Variants in PRKG2 observed in about 807,000 individuals in gnomAD.
PRKG2 encodes cGMP-dependent protein kinase 2.
Under a neutral mutation model 97.2 loss-of-function variants are expected in PRKG2, and 33 were observed. That is an observed-to-expected ratio of 0.34 (90% CI 0.26 to 0.45). PRKG2 has a LOEUF of 0.45. Among genes scored for constraint, PRKG2 ranks in the 20% least tolerant of loss-of-function variants. The probability of loss-of-function intolerance (pLI) is 1.00; values close to 1 mark genes in which losing one functional copy is unlikely to be tolerated. For missense variants in PRKG2, 638 were observed against 900.0 expected, an observed-to-expected ratio of 0.71 and a Z score of 3.73; for synonymous variants, 330 against 321.8, an observed-to-expected ratio of 1.03 and a Z score of -0.27.
intron 17 of PRKG2, among the ~76,000 whole-genome samples, chr4:81,094,872 C>T (rs1048545778): frequency 2.6e-5 from 4 of 152,102 alleles, no homozygotes; most frequent in African/African-American, 2.4e-5. Flanking sequence ...AAGATTTCTA[C>T]GTGTAGTGAA....
At position 81,188,180 on chromosome 4, in the gene PRKG2, A is replaced by C. The variant is rs547520557; in HGVS notation, c.462-13221T>G. 2.9e-3 allele frequency among the ~76,000 whole-genome samples: 440 copies of C among 152,078 alleles called. 1 individual carries two copies. Among genetic ancestry groups the C allele is most frequent in the Non-Finnish European group, 4.6e-3 (316 of 68,042 alleles). On this transcript the variant is annotated intron_variant, in intron 2 of 18. Transcript: ENST00000264399. ...TGAACTCAAACAAATTTACAAGAAA[A>C]AAACAAACAACCCCATCAAACAGTG...
chr4:81,139,975 A>C (rs1318597760), intron 12 of PRKG2, among the ~76,000 whole-genome samples: 1 of 152,210 alleles, frequency 6.6e-6, no homozygotes, highest in African/African-American at 2.4e-5. Context: ...CATACAAAAA[A>C]AATGAGATTC....
intron 2 of PRKG2, among the ~76,000 whole-genome samples, chr4:81,189,203 G>A (rs911953799): frequency 1.6e-5 from 2 of 123,438 alleles, no homozygotes; most frequent in Admixed American, 1.5e-4. Flanking sequence ...CTGTCTTATT[G>A]TTTTGCCATC....
At chr4:81,125,046 C>G (rs1294183475) in intron 14 of PRKG2, among the ~76,000 whole-genome samples, 1 of 151,994 alleles carries the variant, frequency 6.6e-6, no homozygotes, top group Non-Finnish European at 1.5e-5. Flanking sequence ...TTCTTATGTT[C>G]CATGTTTTTA....
At chr4:81,115,014 A>C (rs1294873699) in intron 14 of PRKG2, among the ~76,000 whole-genome samples, 3 of 152,174 alleles carry the variant, frequency 2.0e-5, no homozygotes, top group African/African-American at 7.2e-5. Context: ...TTGGATTAAC[A>C]TAGCATGAAT....
chr4:81,208,437 T>C (rs1283563418), intron 1 of PRKG2, among the ~76,000 whole-genome samples: 5 of 152,158 alleles, frequency 3.3e-5, no homozygotes, highest in Admixed American at 3.3e-4. Context: ...TTTTTGTTTG[T>C]TTGTTTGTGA....
intron 14 of PRKG2, among the ~76,000 whole-genome samples, chr4:81,122,814 C>G (rs1427444006): frequency 6.6e-6 from 1 of 152,206 alleles, no homozygotes; most frequent in Non-Finnish European, 1.5e-5. Flanking sequence ...CAAAACTGGA[C>G]TGCCCACAGT....
intron 6 of PRKG2, among the ~76,000 whole-genome samples, chr4:81,157,864 T>C (rs1183933272): frequency 1.1e-4 from 16 of 146,640 alleles, no homozygotes; most frequent in African/African-American, 4.1e-4. Flanking sequence ...AAAAGGCCTT[T>C]GACAAAATTC....
intron 14 of PRKG2, among the ~76,000 whole-genome samples, chr4:81,128,203 C>G (rs6831718): frequency 0.27 from 40,361 of 152,076 alleles, 7,538 homozygotes; most frequent in African/African-American, 0.51. Flanking sequence ...GGTGGATAAA[C>G]TTTTTTATGT....
chr4:81,200,904 A>G (rs1235607513), intron 2 of PRKG2, among the ~76,000 whole-genome samples: 1 of 152,218 alleles, frequency 6.6e-6, no homozygotes, highest in East Asian at 1.9e-4. Context: ...CATGGTTTTG[A>G]TGATCTAAAA....
intron 2 of PRKG2, among the ~76,000 whole-genome samples, chr4:81,203,978 C>T (rs1753483516): frequency 1.3e-5 from 2 of 152,134 alleles, no homozygotes; most frequent in African/African-American, 4.8e-5. Context: ...ATAGTATTGG[C>T]TTTTATCATA....
At chr4:81,200,197 C>G (rs1753215855) in intron 2 of PRKG2, among the ~76,000 whole-genome samples, 1 of 152,174 alleles carries the variant, frequency 6.6e-6, no homozygotes, top group Non-Finnish European at 1.5e-5. Context: ...CAAGGCAGAC[C>G]AGACATGGGC....
At chr4:81,184,366 G>A (rs541358266) in intron 2 of PRKG2, among the ~76,000 whole-genome samples, 5 of 152,122 alleles carry the variant, frequency 3.3e-5, no homozygotes, top group African/African-American at 4.8e-5. Flanking sequence ...ATCTGGAGTG[G>A]ACTTCCAGCA....
chr4:81,095,383 T>A (rs1254905268), intron 17 of PRKG2, among the ~76,000 whole-genome samples: 1 of 152,174 alleles, frequency 6.6e-6, no homozygotes, highest in Admixed American at 6.6e-5. Flanking sequence ...GAGCCTCCAC[T>A]TTTAGGGATT....
At chr4:81,147,226 T>C (rs1747943314) in intron 9 of PRKG2, among the ~76,000 whole-genome samples, 1 of 151,890 alleles carries the variant, frequency 6.6e-6, no homozygotes, top group South Asian at 2.1e-4. Flanking sequence ...GTGATTACAA[T>C]GAAGAAAAAA....
chr4:81,152,520 A>T (rs1362303126), intron 7 of PRKG2, among the ~76,000 whole-genome samples: 3 of 152,202 alleles, frequency 2.0e-5, no homozygotes, highest in Non-Finnish European at 4.4e-5. Flanking sequence ...ACTGAATGCA[A>T]AATGTTGATT....
At chr4:81,189,458 G>GT (rs1752269025) in intron 2 of PRKG2, among the ~76,000 whole-genome samples, 1 of 141,120 alleles carries the variant, frequency 7.1e-6, no homozygotes, top group Non-Finnish European at 1.5e-5. Context: ...CATGTCCTTT[G>GT]TAGGGACATG....
At chr4:81,212,979 AG>A (rs1754082530) in intron 1 of PRKG2, among the ~76,000 whole-genome samples, 1 of 152,186 alleles carries the variant, frequency 6.6e-6, no homozygotes, top group South Asian at 2.1e-4. Context: ...TGATCTTAGG[AG>A]GCTTGAAGGA....
chr4:81,149,029 A>C, intron 8 of PRKG2, 77 bp from the exon 9 acceptor site: 3 of 1,386,010 alleles, frequency 2.2e-6, no homozygotes. Flanking sequence ...GAATGTACTA[A>C]CTTTGTATGA....
Sources: gnomAD v4.1 joint callset for allele counts (sites outside exome capture counted in the v4.1 genomes callset) on GRCh38, gnomAD v4.1.1 for gene constraint, MANE v1.5 for transcripts, NCBI Gene and HGNC (gene_info 2026-07-23, HGNC 2026-07-21) for gene names.